The following SAMTOR variants were observed in gnomAD, a reference collection of about 807,000 sequenced individuals.
SAMTOR encodes the protein S-adenosylmethionine sensor upstream of mTORC1.
chr7:112,836,078 G>A, the SAMTOR span, among the ~76,000 whole-genome samples: 1 of 152,110 alleles, frequency 6.6e-6, no homozygotes, highest in Non-Finnish European at 1.5e-5. Flanking sequence ...TTTCCACAAT[G>A]GCTGAACTCA....
the SAMTOR span, among the ~76,000 whole-genome samples, chr7:112,883,138 G>A: frequency 1.8e-4 from 27 of 152,170 alleles, no homozygotes; most frequent in Non-Finnish European, 3.7e-4. Context: ...CCTATAGTAA[G>A]ACTCTTGGAT....
the SAMTOR span, chr7:112,939,786 C>T: frequency 2.0e-6 from 3 of 1,523,188 alleles, no homozygotes; most frequent in Middle Eastern, 4.6e-4. Context: ...CCCCTCAGGC[C>T]CCCGCAGACG....
the SAMTOR span, among the ~76,000 whole-genome samples, chr7:112,900,502 A>G: frequency 6.6e-6 from 1 of 152,232 alleles, no homozygotes; most frequent in African/African-American, 2.4e-5. Context: ...ACCCAGAAAT[A>G]ATGTTCGGCC....
the SAMTOR span, among the ~76,000 whole-genome samples, chr7:112,921,292 G>A: frequency 1.3e-5 from 2 of 151,908 alleles, no homozygotes; most frequent in Admixed American, 6.6e-5. Context: ...AAATAACGCC[G>A]CATATCTACA....
the SAMTOR span, among the ~76,000 whole-genome samples, chr7:112,934,104 TGGC>T: frequency 6.6e-6 from 1 of 152,296 alleles, no homozygotes; most frequent in East Asian, 1.9e-4. Context: ...GAAGCATAAA[TGGC>T]GGCAGATACA....
chr7:112,822,101 A>G, the SAMTOR span: 1 of 1,613,882 alleles, frequency 6.2e-7, no homozygotes. Flanking sequence ...TCATCATCAT[A>G]GCATGACGGT....
the SAMTOR span, among the ~76,000 whole-genome samples, chr7:112,902,462 C>A: frequency 0.078 from 6,441 of 83,016 alleles, 589 homozygotes; most frequent in African/African-American, 0.19. Context: ...AAAAAAAAAC[C>A]AAAAAAGTTG....
chr7:112,861,130 TATA>T, the SAMTOR span, among the ~76,000 whole-genome samples: 3,389 of 152,164 alleles, frequency 0.022, 63 homozygotes, highest in Admixed American at 0.042. Flanking sequence ...ACAGGTGAGT[TATA>T]ATAATATTTT....
the SAMTOR span, among the ~76,000 whole-genome samples, chr7:112,875,048 T>C: frequency 0.014 from 2,207 of 152,250 alleles, 22 homozygotes; most frequent in Non-Finnish European, 0.021. Flanking sequence ...TCCAATCCGA[T>C]TGAGGTCTGG....
At chr7:112,910,015 C>G in the SAMTOR span, among the ~76,000 whole-genome samples, 4 of 151,854 alleles carry the variant, frequency 2.6e-5, no homozygotes, top group African/African-American at 7.3e-5. Flanking sequence ...AAGAAACAGT[C>G]TGATGCCAGG....
At chr7:112,885,097 C>T in the SAMTOR span, among the ~76,000 whole-genome samples, 13 of 152,336 alleles carry the variant, frequency 8.5e-5, no homozygotes, top group African/African-American at 2.9e-4. Context: ...TGTACCTTGG[C>T]CCCTTTTAGC....
chr7:112,876,994 C>T, the SAMTOR span, among the ~76,000 whole-genome samples: 1 of 152,208 alleles, frequency 6.6e-6, no homozygotes, highest in African/African-American at 2.4e-5. Context: ...CTTCACAGCA[C>T]ATTCCCTTTT....
the SAMTOR span, chr7:112,822,111 T>G: frequency 6.2e-7 from 1 of 1,613,842 alleles, no homozygotes; most frequent in Non-Finnish European, 8.5e-7. Flanking sequence ...AGCATGACGG[T>G]TCTGATGGGA....
chr7:112,847,722 G>A, the SAMTOR span, among the ~76,000 whole-genome samples: 3 of 152,174 alleles, frequency 2.0e-5, no homozygotes, highest in African/African-American at 7.2e-5. Context: ...AGGTTGCGGT[G>A]AGCCAAGATT....
At chr7:112,828,683 C>CT in the SAMTOR span, among the ~76,000 whole-genome samples, 1 of 152,094 alleles carries the variant, frequency 6.6e-6, no homozygotes, top group African/African-American at 2.4e-5. Flanking sequence ...AAGAGAAAAT[C>CT]TTTTTAGCTG....
the SAMTOR span, among the ~76,000 whole-genome samples, chr7:112,869,036 T>C: frequency 6.6e-6 from 1 of 152,056 alleles, no homozygotes; most frequent in Non-Finnish European, 1.5e-5. Flanking sequence ...ACCTTCAGTG[T>C]GGACTGCCCC....
the SAMTOR span, among the ~76,000 whole-genome samples, chr7:112,906,726 C>T: frequency 6.6e-6 from 1 of 152,150 alleles, no homozygotes; most frequent in Middle Eastern, 3.4e-3. Flanking sequence ...TGCACACCAC[C>T]ATGCCCAGCT....
chr7:112,878,363 AAAT>A, the SAMTOR span, among the ~76,000 whole-genome samples: 1 of 152,174 alleles, frequency 6.6e-6, no homozygotes, highest in African/African-American at 2.4e-5. Flanking sequence ...TAAAAAAGGC[AAAT>A]AATGTTTTAG....
chr7:112,892,452 C>A, the SAMTOR span, among the ~76,000 whole-genome samples: 2 of 152,126 alleles, frequency 1.3e-5, no homozygotes, highest in African/African-American at 4.8e-5. Flanking sequence ...ACAACTACAG[C>A]CTTACAAAAT....
Sources: gnomAD v4.1 joint callset for allele counts (sites outside exome capture counted in the v4.1 genomes callset) on GRCh38, gnomAD v4.1.1 for gene constraint, MANE v1.5 for transcripts, NCBI Gene and HGNC (gene_info 2026-07-23, HGNC 2026-07-21) for gene names.